HMCN2: variants seen among roughly 807,000 people sequenced by gnomAD.
The protein encoded by HMCN2 is hemicentin-2.
A neutral mutation model predicts 377.5 loss-of-function variants in HMCN2; 325 were observed. The observed-to-expected ratio is 0.86, with a 90% CI of 0.79 to 0.94. HMCN2 has a LOEUF of 0.94. Ranked by LOEUF, HMCN2 falls within the 40% of genes least tolerant of loss-of-function variation. The probability of loss-of-function intolerance (pLI) is 0.00; values close to 1 mark genes in which losing one functional copy is unlikely to be tolerated. For synonymous variants in HMCN2, 2,007 were observed against 2,046.8 expected, an observed-to-expected ratio of 0.98 and a Z score of 0.53; for missense variants, 4,543 against 4,725.3, an observed-to-expected ratio of 0.96 and a Z score of 1.13.
rs1365698048 is a variant in HMCN2 at position 130,406,038 on chromosome 9, A to ACTGCCTGTGTTCACCACC, written c.12431_12448dup (p.Val4144_Pro4149dup). On this transcript the variant is annotated inframe_insertion, in exon 82 of 98. Coordinates refer to ENST00000683500, the MANE Select transcript of HMCN2 (RefSeq NM_001291815.2). ...GCCGCGTGCACCTCACCATCCTGGT[A>ACTGCCTGTGTTCACCACC]CTGCCTGTGTTCACCACCCTGCCTG... is the stretch of plus-strand genomic sequence containing the variant. 1.5e-5 allele frequency: 19 copies of ACTGCCTGTGTTCACCACC among 1,289,732 alleles called. No individual in the cohort carries two copies. Among genetic ancestry groups the ACTGCCTGTGTTCACCACC allele is most frequent in the African/African-American group, 4.6e-5 (3 of 65,872 alleles). The allele number at this position is 1,289,732 out of a possible 1,614,324, so 79.9% of individuals were successfully genotyped here. A position where few individuals can be genotyped will look rare whatever the true frequency, so the allele number is the denominator to read the frequency against.
chr9:130,398,843 C>T, intron 75 of HMCN2, 136 bp downstream of exon 75: 1 of 735,048 alleles, frequency 1.4e-6, no homozygotes, highest in Non-Finnish European at 1.9e-6. Context: ...ACTTGTGTCT[C>T]AACTTTGGGG....
In HMCN2 at chr9:130,396,218, C is replaced by G; in HGVS notation, c.11103C>G (p.Asn3701Lys). The G allele has an allele frequency of 7.8e-7, 1 of 1,286,068 alleles. No homozygotes were observed. Among genetic ancestry groups the G allele is most frequent in the Non-Finnish European group, 1.0e-6 (1 of 985,872 alleles). The allele number at this position is 1,286,068 out of a possible 1,614,324, so 79.7% of individuals were successfully genotyped here. ...SGPPAVNVSV[N>K]QTALLPCQAD... Reference sequence around the variant, plus strand: ...CACCTGCAGTGAACGTCTCAGTGAACCAGACAGCCCTGCTGCCTTGCCAGG... The same window carrying G: ...CACCTGCAGTGAACGTCTCAGTGAAGCAGACAGCCCTGCTGCCTTGCCAGG... Residue 3701 changes from asparagine (N) to lysine (K), a missense_variant, in exon 73 of 98, where the codon AAC (asparagine) becomes AAG (lysine). Asn to Lys is a moderately conservative substitution (Grantham distance 94). Transcript: ENST00000683500.
At chr9:130,267,200 C>T (rs782438170) in intron 1 of HMCN2, among the ~76,000 whole-genome samples, 20 of 151,846 alleles carry the variant, frequency 1.3e-4, no homozygotes, top group Non-Finnish European at 2.9e-4. Context: ...CCACTTAGGC[C>T]TCCCAAAGTG....
chr9:130,398,993 C>CT (rs1453767221), intron 75 of HMCN2, among the ~76,000 whole-genome samples: 3 of 152,132 alleles, frequency 2.0e-5, no homozygotes, highest in Non-Finnish European at 4.4e-5. Context: ...TAGCTCACAC[C>CT]TGTAGTCCCA....
At chr9:130,411,172 G>A (rs1843387197) in intron 85 of HMCN2, among the ~76,000 whole-genome samples, 1 of 150,824 alleles carries the variant, frequency 6.6e-6, no homozygotes, top group Non-Finnish European at 1.5e-5. Flanking sequence ...TCTGCTTACT[G>A]CCCCCTGCCC....
intron 1 of HMCN2, among the ~76,000 whole-genome samples, chr9:130,278,016 C>T (rs1193271276): frequency 1.3e-4 from 1 of 8,000 alleles, no homozygotes; most frequent in South Asian, 4.1e-3. Flanking sequence ...CCATCATCAT[C>T]ACCACCACCA....
At chr9:130,355,472 A>G (rs1049267848) in intron 32 of HMCN2, among the ~76,000 whole-genome samples, 2 of 152,212 alleles carry the variant, frequency 1.3e-5, no homozygotes, top group African/African-American at 4.8e-5. Context: ...GGCACTGGAA[A>G]TGAAGCTGGG....
At chr9:130,367,529 G>A (rs776428158) in intron 43 of HMCN2, among the ~76,000 whole-genome samples, 6 of 152,134 alleles carry the variant, frequency 3.9e-5, no homozygotes, top group Non-Finnish European at 8.8e-5. Context: ...TCTTCTTGAT[G>A]CCAGGTCCAC....
rs1000838762 is a variant in HMCN2 at position 130,391,519 on chromosome 9, C to T, written c.9897C>T (p.Cys3299=). 14 of 987,690 alleles carry T rather than the reference C, an allele frequency of 1.4e-5. No individual in the cohort carries two copies. The highest frequency in any genetic ancestry group is 7.0e-5 in the African/African-American group (4 of 57,310). 61.2% of individuals were successfully genotyped at this position (987,690 alleles called of 1,614,324 possible). Residue 3299 remains cysteine, a synonymous_variant, in exon 65 of 98, where the codon TGC becomes TGT. Coordinates refer to ENST00000683500, the MANE Select transcript of HMCN2 (RefSeq NM_001291815.2). ...LRASDAGAYT[C]VAHNPAGEDA... ...CCTCGGACGCGGGTGCCTACACCTGCGTGGCCCACAACCCAGCCGGGGAGG... is the reference window on the plus strand; with the variant it reads ...CCTCGGACGCGGGTGCCTACACCTGTGTGGCCCACAACCCAGCCGGGGAGG...
In HMCN2 at chr9:130,428,351, C is replaced by T. The variant is rs1415895745; in HGVS notation, c.14066-7C>T. The T allele has an allele frequency of 4.5e-6, 7 of 1,543,306 alleles. No homozygotes were observed. In the Admixed American group the frequency reaches 9.8e-5, roughly 22 times the overall value. On this transcript the variant is annotated splice_polypyrimidine_tract_variant and splice_region_variant and intron_variant, in intron 92 of 97. Coordinates refer to ENST00000683500, the MANE Select transcript of HMCN2 (RefSeq NM_001291815.2). The surrounding 1 kb of genome is among the most constrained non-coding windows in gnomAD (Gnocchi z 5.0). ...TCACACAGCCGTCTGCCCTGATCTGCCCCCAGATGTGGACGAGTGTGCGTG... is the reference window on the plus strand; with the variant it reads ...TCACACAGCCGTCTGCCCTGATCTGTCCCCAGATGTGGACGAGTGTGCGTG...
intron 89 of HMCN2, 21 bp downstream of exon 89, chr9:130,425,151 G>T: frequency 1.3e-6 from 2 of 1,535,598 alleles, no homozygotes; most frequent in Non-Finnish European, 1.8e-6. Flanking sequence ...AAGCCCTGGG[G>T]TGTGCAGACA....
intron 96 of HMCN2, 24 bp from the exon 97 acceptor site, chr9:130,432,405 C>G (rs138428811): frequency 1.4e-5 from 21 of 1,550,932 alleles, no homozygotes; most frequent in Middle Eastern, 1.7e-4. Context: ...CTCCCTCCCC[C>G]GCTTCACCAA....
At position 130,428,270 on chromosome 9, in the gene HMCN2, C is replaced by G. The variant is rs1312335079; in HGVS notation, c.14066-88C>G. On this transcript the variant is annotated intron_variant, in intron 92 of 97. Transcript: ENST00000683500. The surrounding 1 kb of genome is among the most constrained non-coding windows in gnomAD (Gnocchi z 5.0). Reference sequence around the variant, plus strand: ...GTGGCTCCTGGGCCTGCGGACGAAGCCTCTGTGGATAGGCCGGGCCAGGGT... The same window carrying G: ...GTGGCTCCTGGGCCTGCGGACGAAGGCTCTGTGGATAGGCCGGGCCAGGGT... 11 of 1,414,156 alleles carry G rather than the reference C, an allele frequency of 7.8e-6. No individual in the cohort carries two copies. The highest frequency in any genetic ancestry group is 1.0e-5 in the Non-Finnish European group (11 of 1,074,020). The allele number at this position is 1,414,156 out of a possible 1,614,324, so 87.6% of individuals were successfully genotyped here.
chr9:130,384,963 C>G (rs547489729), intron 59 of HMCN2, among the ~76,000 whole-genome samples, 165 bp downstream of exon 59: 2 of 152,214 alleles, frequency 1.3e-5, no homozygotes, highest in Non-Finnish European at 2.9e-5. Context: ...GGGACGGGCC[C>G]CAGGAGCCTG....
At chr9:130,430,058 C>T (rs771290536) in intron 94 of HMCN2, 31 of 605,878 alleles carry the variant, frequency 5.1e-5, no homozygotes, top group African/African-American at 3.3e-4. Flanking sequence ...GAGTCTGGGA[C>T]GAGGCTGAGA....
rs1261255204 is a variant in HMCN2 at position 130,433,525 on chromosome 9, C to G, written c.15072C>G (p.Asp5024Glu). 3.4e-6 allele frequency: 5 copies of G among 1,472,890 alleles called. No individual in the cohort carries two copies. The South Asian group carries it at 4.0e-5, about 12-fold the overall frequency. 91.2% of individuals were successfully genotyped at this position (1,472,890 alleles called of 1,614,324 possible). Residue 5024 changes from aspartate (D) to glutamate (E), a missense_variant, in exon 98 of 98, where the codon GAC becomes GAG. This residue lies in a region of HMCN2 where 1,155 missense variants were observed against 1,157.7 expected (regional missense o/e 1.00). Coordinates refer to ENST00000683500, the MANE Select transcript of HMCN2 (RefSeq NM_001291815.2). ...NRTELSMLEP[D>E]PRSPFALRPL... ...CCGAGCTCAGCATGCTGGAGCCCGA[C>G]CCCCGCAGCCCCTTCGCGCTGCGTC... is the stretch of plus-strand genomic sequence containing the variant.
intron 48 of HMCN2, among the ~76,000 whole-genome samples, chr9:130,373,618 T>C: frequency 6.7e-6 from 1 of 149,574 alleles, no homozygotes; most frequent in Non-Finnish European, 1.5e-5. Flanking sequence ...GATGGATGGA[T>C]GGATGGATGG....
intron 1 of HMCN2, 128 bp from the exon 2 acceptor site, chr9:130,284,475 T>C (rs1835309751): frequency 2.4e-6 from 1 of 408,228 alleles, no homozygotes; most frequent in South Asian, 1.8e-5. Flanking sequence ...CTCCCTGATC[T>C]CTCCCCGTCT....
rs1836329142 is a variant in HMCN2, at chr9:130,299,092, G to GA, written c.1080_1081insA (p.Leu361ThrfsTer48). On this transcript the variant is annotated frameshift_variant, in exon 8 of 98. Transcript: ENST00000683500. LOFTEE classifies it high-confidence loss of function. Reference sequence around the variant, plus strand: ...CACCCGGCCGCCTAGACTCGGTGGAGCTGGCACAAAGCTCAGGGAAGCCCC... The same window carrying GA: ...CACCCGGCCGCCTAGACTCGGTGGAGACTGGCACAAAGCTCAGGGAAGCCCC... The GA allele has an allele frequency of 2.1e-6, 1 of 471,130 alleles. No individual in the cohort carries two copies. The highest frequency in any genetic ancestry group is 4.4e-6 in the Non-Finnish European group (1 of 227,014). 29.2% of individuals were successfully genotyped at this position (471,130 alleles called of 1,614,324 possible).
Sources: gnomAD v4.1 joint callset for allele counts (sites outside exome capture counted in the v4.1 genomes callset) on GRCh38, gnomAD v4.1.1 for gene constraint, gnomAD v4.1.1 regional missense constraint, Gnocchi (gnomAD v3.1) non-coding constraint, MANE v1.5 for transcripts, NCBI Gene and HGNC (gene_info 2026-07-23, HGNC 2026-07-21) for gene names.